The following OR4D10 variants were observed in gnomAD, a reference collection of about 807,000 sequenced individuals.
The protein encoded by OR4D10 is olfactory receptor family 4 subfamily D member 10.
For synonymous variants in OR4D10, 188 were observed against 153.2 expected, an observed-to-expected ratio of 1.23 and a Z score of -1.68; for missense variants, 395 against 378.0, an observed-to-expected ratio of 1.04 and a Z score of -0.37.
intron 2 of OR4D10, among the ~76,000 whole-genome samples, chr11:59,476,466 G>C (rs1858909702): frequency 6.6e-6 from 1 of 152,122 alleles, no homozygotes; most frequent in South Asian, 2.1e-4. Flanking sequence ...CTGCAGCCTG[G>C]ACTTCCGGGG....
chr11:59,473,435 G>T lies in OR4D10; in HGVS notation c.-430G>T, dbSNP rs553024397. The stretch of plus-strand genomic sequence containing the variant: ...CTCAGAGGTTTGAACATAAGTCAAG[G>T]ACACAATGGAAAAACTTTAAAAGAT... On this transcript the variant is annotated 5_prime_UTR_variant, in exon 1 of 3. Coordinates refer to ENST00000530162, the MANE Select transcript of OR4D10 (RefSeq NM_001004705.2). 6.6e-6 allele frequency: 1 copy of T among 152,140 alleles called. No homozygotes were observed. The highest frequency in any genetic ancestry group is 1.5e-5 in the Non-Finnish European group (1 of 68,026). The allele number at this position is 152,140 out of a possible 1,614,324, so 9.4% of individuals were successfully genotyped here.
chr11:59,474,900 C>CA (rs34408794), intron 2 of OR4D10, among the ~76,000 whole-genome samples: 134 of 148,212 alleles, frequency 9.0e-4, no homozygotes, highest in African/African-American at 3.2e-3. Flanking sequence ...ACTAAAAATA[C>CA]AAAAAAAAAA....
chr11:59,474,900 CAA>C (rs34408794), intron 2 of OR4D10, among the ~76,000 whole-genome samples: 23 of 148,170 alleles, frequency 1.6e-4, no homozygotes, highest in East Asian at 6.0e-4. Context: ...ACTAAAAATA[CAA>C]AAAAAAAAAT....
chr11:59,477,832 A>G lies in OR4D10; in HGVS notation c.403A>G (p.Ile135Val). ...AISKPLHYAT[I>V]MSRDHCIGLT... is the part of the protein sequence containing the mutation. ...CTCCAAGCCCCTGCACTATGCGACT[A>G]TCATGAGTAGAGACCATTGCATTGG... The change falls in exon 3 of 3, where the codon ATC (isoleucine) becomes GTC (valine). Residue 135 changes from isoleucine (I) to valine (V), a missense_variant. Transcript: ENST00000530162. 2 of 1,614,106 alleles carry G rather than the reference A, an allele frequency of 1.2e-6. No individual in the cohort carries two copies. Among genetic ancestry groups the G allele is most frequent in the South Asian group, 1.1e-5 (1 of 91,074 alleles).
In OR4D10 at chr11:59,478,414, A is replaced by C. The variant is rs952139444; in HGVS notation, c.*49A>C. 4.9e-5 allele frequency: 63 copies of C among 1,288,638 alleles called. No individual in the cohort carries two copies. The highest frequency in any genetic ancestry group is 6.3e-5 in the Non-Finnish European group (60 of 957,468). The allele number at this position is 1,288,638 out of a possible 1,614,324, so 79.8% of individuals were successfully genotyped here. A position where few individuals can be genotyped will look rare whatever the true frequency, so the allele number is the denominator to read the frequency against. ...TCACCAAAGATATCTTATATTTATT[A>C]TTTTTCCCATGAAGTCATATTCATA... On this transcript the variant is annotated 3_prime_UTR_variant, in exon 3 of 3. Coordinates refer to ENST00000530162, the MANE Select transcript of OR4D10 (RefSeq NM_001004705.2).
intron 2 of OR4D10, 43 bp from the exon 3 acceptor site, chr11:59,477,219 T>C (rs1393542317): frequency 2.3e-6 from 1 of 443,390 alleles, no homozygotes; most frequent in Non-Finnish European, 3.9e-6. Context: ...AGGAGAAGAA[T>C]TATTGAATGA....
At chr11:59,474,922 G>A (rs1023699657) in intron 2 of OR4D10, among the ~76,000 whole-genome samples, 5 of 151,578 alleles carry the variant, frequency 3.3e-5, no homozygotes, top group African/African-American at 9.7e-5. Flanking sequence ...TTAGCCGGGC[G>A]TGGTGGCGTT....
chr11:59,478,122 G>T lies in OR4D10; in HGVS notation c.693G>T (p.Glu231Asp). The change falls in exon 3 of 3, where the codon GAG (glutamate) becomes GAT (aspartate). Residue 231 changes from glutamate (E) to aspartate (D), a missense_variant. Glu to Asp is a conservative substitution (Grantham distance 45). Coordinates refer to ENST00000530162, the MANE Select transcript of OR4D10 (RefSeq NM_001004705.2). ...ILSLPKSQAG[E>D]GRRKAISTCT... The stretch of plus-strand genomic sequence containing the variant: ...CATTACCCAAGTCTCAGGCAGGAGA[G>T]GGCAGGAGGAAAGCCATCTCCACCT... 1 of 1,614,088 alleles carries T rather than the reference G, an allele frequency of 6.2e-7. No homozygotes were observed. The highest frequency in any genetic ancestry group is 8.5e-7 in the Non-Finnish European group (1 of 1,180,010).
In OR4D10 at chr11:59,478,497, G is replaced by A. The variant is rs971338036; in HGVS notation, c.*132G>A. ...AGTAATAATTAATTTTTCTATTTATGTTAGTAAGTAACTGATAAGCTTCTG... is the reference window on the plus strand; with the variant it reads ...AGTAATAATTAATTTTTCTATTTATATTAGTAAGTAACTGATAAGCTTCTG... On this transcript the variant is annotated 3_prime_UTR_variant, in exon 3 of 3. Transcript: ENST00000530162. 4.9e-6 allele frequency: 3 copies of A among 618,424 alleles called. No individual in the cohort carries two copies. The highest frequency in any genetic ancestry group is 3.7e-5 in the African/African-American group (2 of 54,066). The allele number at this position is 618,424 out of a possible 1,614,324, so 38.3% of individuals were successfully genotyped here.
chr11:59,475,109 C>T (rs140719524), intron 2 of OR4D10, among the ~76,000 whole-genome samples: 67 of 150,554 alleles, frequency 4.5e-4, no homozygotes, highest in African/African-American at 1.5e-3. Flanking sequence ...AGGACATTGT[C>T]CCACCTACCA....
At position 59,477,938 on chromosome 11, in the gene OR4D10, G is replaced by A. The variant is rs762416529; in HGVS notation, c.509G>A (p.Gly170Glu). 2 of 1,614,096 alleles carry A rather than the reference G, an allele frequency of 1.2e-6. No individual in the cohort carries two copies. Among genetic ancestry groups the A allele is most frequent in the Non-Finnish European group, 1.7e-6 (2 of 1,180,018 alleles). ...CTGTTGCTCCCACTCCCTTTCTGCG[G>A]ACCCAATGTTCTTGACACTTTCTAC... Reference protein sequence around the residue: ...ISLLLPLPFCGPNVLDTFYCD... With the variant: ...ISLLLPLPFCEPNVLDTFYCD... The change falls in exon 3 of 3, where the codon GGA becomes GAA. Residue 170 changes from glycine to glutamate, a missense_variant. Gly to Glu is a moderately conservative substitution (Grantham distance 98). Coordinates refer to ENST00000530162, the MANE Select transcript of OR4D10 (RefSeq NM_001004705.2).
intron 2 of OR4D10, among the ~76,000 whole-genome samples, chr11:59,476,886 T>A (rs1008542091): frequency 1.3e-5 from 2 of 150,948 alleles, no homozygotes; most frequent in African/African-American, 4.9e-5. Flanking sequence ...CTTCTGTTGG[T>A]TCCTATCAAA....
Position 59,477,861 on chromosome 11 carries a change from C to T in OR4D10, c.432C>T (p.Leu144=), listed in dbSNP as rs1402779782. The change falls in exon 3 of 3, where the codon CTC becomes CTT. Residue 144 remains leucine, a synonymous_variant. Transcript: ENST00000530162. ...TGAGTAGAGACCATTGCATTGGGCT[C>T]ACAGTGGCTGCCTGGTTGGGGGGCT... ...TIMSRDHCIG[L]TVAAWLGGFV... 2 of 1,614,138 alleles carry T rather than the reference C, an allele frequency of 1.2e-6. No homozygotes were observed. Among genetic ancestry groups the T allele is most frequent in the East Asian group, 2.2e-5 (1 of 44,882 alleles).
At chr11:59,474,858 C>T (rs997036478) in intron 2 of OR4D10, among the ~76,000 whole-genome samples, 2 of 151,010 alleles carry the variant, frequency 1.3e-5, no homozygotes, top group Non-Finnish European at 2.9e-5. Flanking sequence ...AGATCGAGAC[C>T]ATCCTGGCTA....
rs1159306026 is a variant in OR4D10, at chr11:59,479,049, T to C, written c.*684T>C. The C allele has an allele frequency of 6.6e-6, 1 of 152,188 alleles. No homozygotes were observed. The highest frequency in any genetic ancestry group is 1.5e-5 in the Non-Finnish European group (1 of 68,036). 9.4% of individuals were successfully genotyped at this position (152,188 alleles called of 1,614,324 possible). ...GATGGGCAAGGTCATTACCTTGCCC[T>C]TTCTTGAACCCCAAGCTCACTGGCC... On this transcript the variant is annotated 3_prime_UTR_variant, in exon 3 of 3. Transcript: ENST00000530162.
At position 59,477,395 on chromosome 11, in the gene OR4D10, G is replaced by C. The variant is rs1858918208; in HGVS notation, c.-35G>C. ...ATATCCCAGTGCTTTCACATGACATGGTTTAAAACCAAAGAGAATAAAGAG... is the reference window on the plus strand; with the variant it reads ...ATATCCCAGTGCTTTCACATGACATCGTTTAAAACCAAAGAGAATAAAGAG... On this transcript the variant is annotated 5_prime_UTR_variant, in exon 3 of 3. The change abolishes an upstream ATG in the 5' untranslated region. Transcript: ENST00000530162. 1.4e-6 allele frequency: 2 copies of C among 1,452,452 alleles called. No individual in the cohort carries two copies. Among genetic ancestry groups the C allele is most frequent in the Non-Finnish European group, 1.9e-6 (2 of 1,075,978 alleles). 90.0% of individuals were successfully genotyped at this position (1,452,452 alleles called of 1,614,324 possible). A position where few individuals can be genotyped will look rare whatever the true frequency, so the allele number is the denominator to read the frequency against.
rs889264645 is a variant in OR4D10, at chr11:59,478,197, T to G, written c.768T>G (p.Tyr256Ter). The G allele has an allele frequency of 6.2e-7, 1 of 1,614,106 alleles. No homozygotes were observed. ...VVTLHFVPCIYVYARPFTALP... is the reference protein window; with the variant it reads ...VVTLHFVPCI ...CCCTGCATTTCGTGCCCTGCATCTATGTCTATGCCCGGCCCTTCACTGCCC... is the reference window on the plus strand; with the variant it reads ...CCCTGCATTTCGTGCCCTGCATCTAGGTCTATGCCCGGCCCTTCACTGCCC... The change falls in exon 3 of 3, where the codon TAT becomes TAG. Residue 256 changes from tyrosine (Y) to a stop codon, truncating the protein, a stop_gained. Coordinates refer to ENST00000530162, the MANE Select transcript of OR4D10 (RefSeq NM_001004705.2). LOFTEE classifies it high-confidence loss of function.
intron 2 of OR4D10, among the ~76,000 whole-genome samples, chr11:59,474,930 G>C (rs1175040775): frequency 6.6e-6 from 1 of 151,502 alleles, no homozygotes; most frequent in African/African-American, 2.4e-5. Context: ...GCGTGGTGGC[G>C]TTCACCAGTA....
At position 59,473,532 on chromosome 11, in the gene OR4D10, G is replaced by A. The variant is rs1858867542; in HGVS notation, c.-333G>A. 1 of 152,168 alleles carries A rather than the reference G, an allele frequency of 6.6e-6. No individual in the cohort carries two copies. Among genetic ancestry groups the A allele is most frequent in the Non-Finnish European group, 1.5e-5 (1 of 68,038 alleles). 9.4% of individuals were successfully genotyped at this position (152,168 alleles called of 1,614,324 possible). The stretch of plus-strand genomic sequence containing the variant: ...ACTGCGATATTTAGCATAGCAAAGG[G>A]CTTAACTTTTAAACAAGATTTTCAA... On this transcript the variant is annotated 5_prime_UTR_variant, in exon 1 of 3. Coordinates refer to ENST00000530162, the MANE Select transcript of OR4D10 (RefSeq NM_001004705.2).
Sources: allele counts gnomAD v4.1 joint callset (sites outside exome capture counted in the v4.1 genomes callset), GRCh38; gene constraint gnomAD v4.1.1; transcripts MANE v1.5; gene names NCBI Gene and HGNC (gene_info 2026-07-23, HGNC 2026-07-21).